The following TRPC5 variants were observed in gnomAD, a reference collection of about 807,000 sequenced individuals.
The protein encoded by TRPC5 is transient receptor potential cation channel subfamily C member 5, also known as short transient receptor potential channel 5.
TRPC5 carries 9 observed loss-of-function variants against 56.5 expected under a neutral mutation model. The observed-to-expected ratio is 0.16, with a 90% CI of 0.10 to 0.28. The LOEUF (loss-of-function observed/expected upper bound fraction) is 0.28, where lower values mean the gene tolerates loss of function less well. Among genes scored for constraint, TRPC5 ranks in the 10% least tolerant of loss-of-function variants. The pLI is 1.00. For missense variants in TRPC5, 469 were observed against 748.9 expected (o/e 0.63, Z 4.36); for synonymous variants, 282 against 278.5 (o/e 1.01, Z -0.13).
chrX:112,068,458 T>C (rs1054824622), intron 1 of TRPC5, among the ~76,000 whole-genome samples: 9 of 111,984 alleles, frequency 8.0e-5, no homozygotes, highest in Non-Finnish European at 1.3e-4. Context: ...GGTTGGGTGA[T>C]TGTGGGGAGA....
At chrX:111,777,170 T>TGGGCA (rs1760136629) in intron 10 of TRPC5, among the ~76,000 whole-genome samples, 168 bp from the exon 11 acceptor site, 1 of 111,578 alleles carries the variant, frequency 9.0e-6, no homozygotes, top group Non-Finnish European at 1.9e-5. Context: ...AATAATTCCA[T>TGGGCA]GGGCAGGGCT....
intron 3 of TRPC5, among the ~76,000 whole-genome samples, chrX:111,891,573 C>T (rs1924807102): frequency 9.0e-6 from 1 of 111,327 alleles, no homozygotes; most frequent in South Asian, 3.9e-4. Context: ...TGGAGTCTCA[C>T]ACTGTCGCCC....
intron 3 of TRPC5, among the ~76,000 whole-genome samples, chrX:111,907,950 A>G (rs948460454): frequency 2.7e-5 from 3 of 111,622 alleles, no homozygotes; most frequent in Non-Finnish European, 5.6e-5. Flanking sequence ...TCTCACAGAC[A>G]CTTGAATTGT....
rs780949977 is a variant in TRPC5, at chrX:111,920,145, C to T, written c.379-7333G>A. ...CAAAAATTAGCTGGACATGGTGGTG[C>T]GCACCTGTAATCCCATCTACTCGGG... is the stretch of plus-strand genomic sequence containing the variant. On this transcript the variant is annotated intron_variant, in intron 2 of 10. Coordinates refer to ENST00000262839, the MANE Select transcript of TRPC5 (RefSeq NM_012471.3). Among the ~76,000 whole-genome samples, 5 of 110,846 alleles carry T rather than the reference C, an allele frequency of 4.5e-5. No individual in the cohort carries two copies. The East Asian group carries it at 8.5e-4, about 19-fold the overall frequency.
intron 1 of TRPC5, among the ~76,000 whole-genome samples, chrX:112,005,205 C>T (rs1270796606): frequency 9.0e-6 from 1 of 110,690 alleles, no homozygotes; most frequent in African/African-American, 3.3e-5. Context: ...CAGACTGACA[C>T]AGGAGCAGAA....
At chrX:112,019,331 A>T (rs1929206679) in intron 1 of TRPC5, among the ~76,000 whole-genome samples, 2 of 112,436 alleles carry the variant, frequency 1.8e-5, no homozygotes, top group African/African-American at 6.5e-5. Context: ...GAGAAAGCCT[A>T]TTGAGGAAGT....
At chrX:112,003,653 T>G (rs2148660455) in intron 1 of TRPC5, among the ~76,000 whole-genome samples, 1 of 111,235 alleles carries the variant, frequency 9.0e-6, no homozygotes, top group South Asian at 3.8e-4. Context: ...ACTGCCCCCC[T>G]TGGTATTTAT....
chrX:112,059,509 C>A (rs1422492162), intron 1 of TRPC5, among the ~76,000 whole-genome samples: 1 of 111,993 alleles, frequency 8.9e-6, no homozygotes, highest in Non-Finnish European at 1.9e-5. Flanking sequence ...AGGGTATGCA[C>A]TCAGTGGACA....
intron 7 of TRPC5, among the ~76,000 whole-genome samples, chrX:111,793,330 T>TA (rs982894558): frequency 3.6e-5 from 4 of 111,100 alleles, no homozygotes; most frequent in Admixed American, 9.6e-5. Flanking sequence ...GGGTAATTTA[T>TA]AAAAAAAATA....
chrX:111,907,100 T>C (rs914104349), intron 3 of TRPC5, among the ~76,000 whole-genome samples: 4 of 102,826 alleles, frequency 3.9e-5, no homozygotes, highest in Non-Finnish European at 7.8e-5. Flanking sequence ...CTTTCGGGTA[T>C]GAAGGTCATT....
chrX:112,042,120 G>A (rs1435023171), intron 1 of TRPC5, among the ~76,000 whole-genome samples: 1 of 111,636 alleles, frequency 9.0e-6, no homozygotes, highest in East Asian at 2.8e-4. Context: ...TCTATGTGCA[G>A]CCTATGACGA....
At chrX:112,017,447 G>C (rs111835565) in intron 1 of TRPC5, among the ~76,000 whole-genome samples, 4,391 of 110,671 alleles carry the variant, frequency 0.04, 200 homozygotes, top group African/African-American at 0.14. Flanking sequence ...CCTTTTCCTT[G>C]GGTGATTGCC....
chrX:111,947,665 T>C (rs1439218282), intron 2 of TRPC5, among the ~76,000 whole-genome samples: 2 of 112,054 alleles, frequency 1.8e-5, no homozygotes, highest in African/African-American at 6.5e-5. Context: ...GGGATGATAA[T>C]AATACTGTCT....
intron 2 of TRPC5, among the ~76,000 whole-genome samples, chrX:111,938,356 T>C (rs1190346583): frequency 2.0e-5 from 2 of 101,933 alleles, no homozygotes; most frequent in Non-Finnish European, 2.0e-5. Context: ...CCTGCCTAAT[T>C]GCCCTGGCCA....
At position 111,776,434 on chromosome X, in the gene TRPC5, G is replaced by A; in HGVS notation, c.2801C>T (p.Ser934Phe). 8.3e-7 allele frequency: 1 copy of A among 1,211,388 alleles called. No individual in the cohort carries two copies. ...GGAGTCTAAAAGTTTAGAATTTGAG[G>A]AGCAGATGCTGGATGCACAGTGAAG... ...SSLHCASSIC[S>F]SNSKLLDSSE... is the part of the protein sequence containing the mutation. Residue 934 changes from serine to phenylalanine, a missense_variant, in exon 11 of 11, where the codon TCC becomes TTC. By Grantham distance (155) the Ser-to-Phe change is radical (BLOSUM62 -2). Coordinates refer to ENST00000262839, the MANE Select transcript of TRPC5 (RefSeq NM_012471.3).
At chrX:111,881,712 A>G (rs762490999) in intron 3 of TRPC5, among the ~76,000 whole-genome samples, 10 of 110,746 alleles carry the variant, frequency 9.0e-5, no homozygotes, top group African/African-American at 3.0e-4. Flanking sequence ...CAGTGTGGTT[A>G]AGGTAAGTAA....
chrX:111,822,293 T>C (rs1240514551), intron 7 of TRPC5, among the ~76,000 whole-genome samples: 1 of 111,687 alleles, frequency 9.0e-6, no homozygotes, highest in Non-Finnish European at 1.9e-5. Context: ...ACATACTCAT[T>C]TACACTGAGT....
At chrX:111,868,709 G>A (rs1290513133) in intron 3 of TRPC5, among the ~76,000 whole-genome samples, 2 of 111,569 alleles carry the variant, frequency 1.8e-5, no homozygotes, top group East Asian at 2.8e-4. Context: ...AGAATGAGTC[G>A]TCCCCTATAC....
At chrX:112,060,109 C>T (rs1315225837) in intron 1 of TRPC5, among the ~76,000 whole-genome samples, 1 of 112,056 alleles carries the variant, frequency 8.9e-6, no homozygotes, top group Non-Finnish European at 1.9e-5. Flanking sequence ...ATATGTTTGA[C>T]CAGCATGTGG....
Sources: gnomAD v4.1 joint callset for allele counts (sites outside exome capture counted in the v4.1 genomes callset) on GRCh38, gnomAD v4.1.1 for gene constraint, MANE v1.5 for transcripts, NCBI Gene and HGNC (gene_info 2026-07-23, HGNC 2026-07-21) for gene names.